FRS2: variants seen among roughly 807,000 people sequenced by gnomAD.
FRS2 encodes the protein FGFR signalling adaptor.
In FRS2, 8 loss-of-function variants were observed where a neutral mutation model predicts 43.9. The ratio of observed to expected loss-of-function variants is 0.18; its 90% CI spans 0.11 to 0.33. FRS2 has a LOEUF of 0.33. Among genes scored for constraint, FRS2 ranks in the 10% least tolerant of loss-of-function variants. FRS2 has a pLI of 1.00. For missense variants in FRS2, 534 were observed against 627.6 expected (o/e 0.85, Z 1.59); for synonymous variants, 219 against 220.3 (o/e 0.99, Z 0.05).
intron 4 of FRS2, among the ~76,000 whole-genome samples, chr12:69,565,704 A>C (rs893516607): frequency 6.6e-6 from 1 of 152,122 alleles, no homozygotes; most frequent in Non-Finnish European, 1.5e-5. Context: ...TTCTCCTCCT[A>C]CATGTTGTCC....
intron 1 of FRS2, among the ~76,000 whole-genome samples, chr12:69,480,988 A>G (rs1412793027): frequency 1.3e-5 from 2 of 152,194 alleles, no homozygotes; most frequent in African/African-American, 4.8e-5. Flanking sequence ...CTTAGAGCTT[A>G]TAAGTAACCG....
chr12:69,511,876 G>C (rs1874491391), intron 1 of FRS2, among the ~76,000 whole-genome samples: 3 of 152,184 alleles, frequency 2.0e-5, no homozygotes, highest in Admixed American at 2.0e-4. Context: ...AATATTGGCT[G>C]CTCTTATTGT....
intron 1 of FRS2, among the ~76,000 whole-genome samples, chr12:69,510,600 A>G (rs999150386): frequency 6.6e-6 from 1 of 151,974 alleles, no homozygotes; most frequent in Non-Finnish European, 1.5e-5. Context: ...CAGAAACTGT[A>G]TTTGCTTTTG....
At chr12:69,561,633 G>A (rs1008687296) in intron 3 of FRS2, among the ~76,000 whole-genome samples, 1 of 152,152 alleles carries the variant, frequency 6.6e-6, no homozygotes, top group African/African-American at 2.4e-5. Context: ...TCTGTGGCAT[G>A]CTTGTTCATA....
intron 1 of FRS2, among the ~76,000 whole-genome samples, chr12:69,503,342 T>G (rs1873632694): frequency 6.6e-6 from 1 of 152,128 alleles, no homozygotes; most frequent in African/African-American, 2.4e-5. Flanking sequence ...TTGAAGGATT[T>G]TTGAGGTTAG....
At chr12:69,485,369 A>T (rs1871824894) in intron 1 of FRS2, among the ~76,000 whole-genome samples, 1 of 151,844 alleles carries the variant, frequency 6.6e-6, no homozygotes, top group Admixed American at 6.6e-5. Flanking sequence ...TTTTTGGTAG[A>T]GACGGGGTTT....
intron 1 of FRS2, among the ~76,000 whole-genome samples, chr12:69,499,438 T>G (rs1403104837): frequency 6.6e-6 from 1 of 152,158 alleles, no homozygotes; most frequent in East Asian, 1.9e-4. Flanking sequence ...TGGAACTTAC[T>G]CATTTCTACC....
chr12:69,478,107 C>A (rs1871007216), intron 1 of FRS2, among the ~76,000 whole-genome samples: 1 of 152,102 alleles, frequency 6.6e-6, no homozygotes, highest in African/African-American at 2.4e-5. Context: ...TAAACAATTT[C>A]TGATACTTCC....
At chr12:69,563,915 C>T (rs1209366958) in intron 4 of FRS2, among the ~76,000 whole-genome samples, 1 of 152,028 alleles carries the variant, frequency 6.6e-6, no homozygotes, top group Non-Finnish European at 1.5e-5. Flanking sequence ...CTCTACTATC[C>T]CCCTCTGTCT....
chr12:69,512,157 C>T (rs1044795654), intron 1 of FRS2, among the ~76,000 whole-genome samples: 2 of 152,186 alleles, frequency 1.3e-5, no homozygotes, highest in South Asian at 2.1e-4. Flanking sequence ...CACCCTCCCT[C>T]CCTGTTCTCT....
At chr12:69,526,398 T>C (rs868204931) in intron 1 of FRS2, among the ~76,000 whole-genome samples, 1 of 152,204 alleles carries the variant, frequency 6.6e-6, no homozygotes. Flanking sequence ...TGCTATGTGA[T>C]AGGCAGTAGT....
intron 1 of FRS2, among the ~76,000 whole-genome samples, chr12:69,501,298 G>A (rs1468332681): frequency 6.6e-6 from 1 of 152,032 alleles, no homozygotes; most frequent in Non-Finnish European, 1.5e-5. Flanking sequence ...GCTCTGTAAT[G>A]TACCTGAAGT....
At chr12:69,478,579 A>G (rs954500010) in intron 1 of FRS2, among the ~76,000 whole-genome samples, 1 of 152,204 alleles carries the variant, frequency 6.6e-6, no homozygotes, top group Non-Finnish European at 1.5e-5. Context: ...GTTGAATGAA[A>G]TAATTCATCT....
intron 1 of FRS2, among the ~76,000 whole-genome samples, chr12:69,473,189 T>C (rs540901163): frequency 6.6e-6 from 1 of 152,344 alleles, no homozygotes; most frequent in African/African-American, 2.4e-5. Context: ...AATATGTAAG[T>C]ACCTTAATAA....
chr12:69,565,833 A>G (rs994045923), intron 4 of FRS2, among the ~76,000 whole-genome samples: 16 of 152,136 alleles, frequency 1.1e-4, no homozygotes, highest in Non-Finnish European at 7.3e-5. Context: ...TTTTTTTTTA[A>G]TAAGTAGAAG....
rs1459947629 is a variant in FRS2 at position 69,535,081 on chromosome 12, G to C, written c.-122+3025G>C. Among the ~76,000 whole-genome samples the C allele has an allele frequency of 2.0e-5, 3 of 152,190 alleles. No individual in the cohort carries two copies. In the East Asian group the frequency reaches 5.8e-4, roughly 29 times the overall value. On this transcript the variant is annotated intron_variant, in intron 3 of 8. Transcript: ENST00000549921. Reference sequence around the variant, plus strand: ...ATTTGGAAATTCCTAAAAATGTGTTGTCTACTTGTTCCATTTCTTCTTTTT... The same window carrying C: ...ATTTGGAAATTCCTAAAAATGTGTTCTCTACTTGTTCCATTTCTTCTTTTT...
chr12:69,572,924 G>C (rs942473547), intron 8 of FRS2, among the ~76,000 whole-genome samples: 1 of 152,146 alleles, frequency 6.6e-6, no homozygotes, highest in Non-Finnish European at 1.5e-5. Flanking sequence ...TCCACCTCCC[G>C]GGTTCAAGCA....
At position 69,528,348 on chromosome 12, in the gene FRS2, T is replaced by G. The variant is rs551651375; in HGVS notation, c.-260-2517T>G. On this transcript the variant is annotated intron_variant, in intron 1 of 8. Transcript: ENST00000549921. Reference sequence around the variant, plus strand: ...GGTCTTGATATCTAAAGGTAACAGATAAATTTGAAGCAGTTAAACTTCCTG... The same window carrying G: ...GGTCTTGATATCTAAAGGTAACAGAGAAATTTGAAGCAGTTAAACTTCCTG... 6.6e-5 allele frequency among the ~76,000 whole-genome samples: 10 copies of G among 152,344 alleles called. No homozygotes were observed. In the South Asian group the frequency reaches 2.1e-3, roughly 32 times the overall value.
intron 3 of FRS2, among the ~76,000 whole-genome samples, chr12:69,539,047 G>T (rs1277027764): frequency 6.6e-6 from 1 of 152,000 alleles, no homozygotes; most frequent in Non-Finnish European, 1.5e-5. Flanking sequence ...AAATGCTTGG[G>T]ATCAGATGTG....
Sources: gnomAD v4.1 joint callset for allele counts (sites outside exome capture counted in the v4.1 genomes callset) on GRCh38, gnomAD v4.1.1 for gene constraint, MANE v1.5 for transcripts, NCBI Gene and HGNC (gene_info 2026-07-23, HGNC 2026-07-21) for gene names.